MPDZ: variants seen among roughly 807,000 people sequenced by gnomAD.
MPDZ encodes the protein multiple PDZ domain crumbs cell polarity complex component.
In MPDZ, 234 loss-of-function variants were observed where a neutral mutation model predicts 239.1. The ratio of observed to expected loss-of-function variants is 0.98; its 90% CI spans 0.88 to 1.09. MPDZ has a LOEUF of 1.09. Among genes scored for constraint, MPDZ ranks in the 50% least tolerant of loss-of-function variants. The pLI, the probability that MPDZ is intolerant of heterozygous loss-of-function variation, is 0.00. For synonymous variants in MPDZ, 1,048 were observed against 881.3 expected (o/e 1.19, Z -3.35); for missense variants, 3,175 against 2,510.0 (o/e 1.26, Z -5.66).
chr9:13,160,984 A>C (rs1950418243), intron 23 of MPDZ, among the ~76,000 whole-genome samples: 1 of 150,896 alleles, frequency 6.6e-6, no homozygotes, highest in Non-Finnish European at 1.5e-5. Context: ...ACACCCTTTT[A>C]TATAAGGGAT....
intron 28 of MPDZ, 164 bp downstream of exon 28, chr9:13,139,823 G>C (rs1256986584): frequency 2.5e-6 from 2 of 791,136 alleles, no homozygotes; most frequent in African/African-American, 1.7e-5. Flanking sequence ...CCTCAGGAAT[G>C]TATGCTGTAT....
chr9:13,268,476 T>C (rs1972266656), intron 1 of MPDZ, among the ~76,000 whole-genome samples: 1 of 152,110 alleles, frequency 6.6e-6, no homozygotes, highest in Admixed American at 6.6e-5. Flanking sequence ...CACTGAAGCA[T>C]ATGACAAAAG....
chr9:13,136,319 C>CT, intron 30 of MPDZ, 137 bp from the exon 31 acceptor site: 4 of 246,228 alleles, frequency 1.6e-5, no homozygotes, highest in South Asian at 1.6e-4. Context: ...AATTTACAAA[C>CT]GTTTTCTTTT....
chr9:13,168,532 C>G lies in MPDZ; in HGVS notation c.3088G>C (p.Gly1030Arg). The change falls in exon 22 of 47, where the codon GGG becomes CGG. Residue 1030 changes from glycine to arginine, a missense_variant. Transcript: ENST00000319217. ...TGAATAATGCTTCGAACGATCATCCCCAAGCCATCTTTATTAGCACTAACT... is the reference window on the plus strand; with the variant it reads ...TGAATAATGCTTCGAACGATCATCCGCAAGCCATCTTTATTAGCACTAACT... The part of the protein sequence containing the change: ...MTVSANKDGL[G>R]MIVRSIIHGG... 6.2e-7 allele frequency: 1 copy of G among 1,611,192 alleles called. No individual in the cohort carries two copies.
chr9:13,219,327 A>T (rs530427235), intron 8 of MPDZ, among the ~76,000 whole-genome samples: 2 of 152,034 alleles, frequency 1.3e-5, no homozygotes, highest in Non-Finnish European at 2.9e-5. Context: ...CTGCTTAAAT[A>T]AAAATGTAAA....
At chr9:13,211,685 C>T (rs916437428) in intron 10 of MPDZ, among the ~76,000 whole-genome samples, 6 of 152,020 alleles carry the variant, frequency 3.9e-5, no homozygotes, top group African/African-American at 1.2e-4. Context: ...AACAACATAA[C>T]GATCCATGAT....
chr9:13,133,119 G>C (rs868837328), intron 32 of MPDZ, among the ~76,000 whole-genome samples: 1 of 151,992 alleles, frequency 6.6e-6, no homozygotes, highest in Admixed American at 6.6e-5. Flanking sequence ...AAATTATAGG[G>C]AAATGACTGC....
chr9:13,193,382 T>G, intron 13 of MPDZ, 69 bp from the exon 14 acceptor site: 1 of 1,433,694 alleles, frequency 7.0e-7, no homozygotes, highest in Non-Finnish European at 9.2e-7. Context: ...GCACACATTT[T>G]ATGTTTTATG....
At chr9:13,279,287 A>ACCCCCC (rs1564192482) in intron 1 of MPDZ, 113 bp downstream of exon 1, 2 of 38,520 alleles carry the variant, frequency 5.2e-5, no homozygotes, top group Non-Finnish European at 1.2e-4. Context: ...CCCCGCCCCC[A>ACCCCCC]CCCCCACCCC....
chr9:13,166,552 CGA>C (rs1270378419), intron 22 of MPDZ, among the ~76,000 whole-genome samples: 2 of 152,010 alleles, frequency 1.3e-5, no homozygotes, highest in African/African-American at 4.8e-5. Context: ...TTTACATACA[CGA>C]GAGAGAGACT....
At chr9:13,264,400 C>T (rs937892809) in intron 1 of MPDZ, among the ~76,000 whole-genome samples, 3 of 151,980 alleles carry the variant, frequency 2.0e-5, no homozygotes, top group Admixed American at 1.3e-4. Context: ...TTACTGCTTA[C>T]GCTCGACTAT....
At chr9:13,211,869 T>G (rs138031484) in intron 10 of MPDZ, among the ~76,000 whole-genome samples, 2 of 152,210 alleles carry the variant, frequency 1.3e-5, no homozygotes, top group African/African-American at 4.8e-5. Flanking sequence ...TAGTGGCTAT[T>G]ATGAGTGGTT....
intron 29 of MPDZ, 71 bp downstream of exon 29, chr9:13,137,886 T>C: frequency 6.7e-7 from 1 of 1,482,606 alleles, no homozygotes; most frequent in Non-Finnish European, 9.2e-7. Context: ...TATGGGTGAT[T>C]TTCTGGAAAC....
chr9:13,139,041 T>C (rs1281488558), intron 28 of MPDZ, among the ~76,000 whole-genome samples: 1 of 152,248 alleles, frequency 6.6e-6, no homozygotes, highest in Non-Finnish European at 1.5e-5. Context: ...GTTAGCAATA[T>C]GCTCTAGTGT....
chr9:13,197,816 A>C (rs1196635618), intron 12 of MPDZ, among the ~76,000 whole-genome samples: 2 of 151,914 alleles, frequency 1.3e-5, no homozygotes, highest in African/African-American at 2.4e-5. Flanking sequence ...TCAACTTTTT[A>C]AGCGCCCACT....
intron 3 of MPDZ, among the ~76,000 whole-genome samples, chr9:13,235,130 C>T (rs1054435114): frequency 2.6e-5 from 4 of 151,982 alleles, no homozygotes; most frequent in African/African-American, 4.8e-5. Context: ...ACAGGCAAAC[C>T]CTTGCACAGT....
At chr9:13,141,219 T>C (rs568026269) in intron 27 of MPDZ, among the ~76,000 whole-genome samples, 69 of 152,260 alleles carry the variant, frequency 4.5e-4, no homozygotes, top group African/African-American at 1.6e-3. Flanking sequence ...GATCAAACAA[T>C]GTTAGAGTTT....
Position 13,112,133 on chromosome 9 carries a change from G to T in MPDZ, c.5615C>A (p.Ser1872Ter). Residue 1872 changes from serine (S) to a stop codon, truncating the protein, a stop_gained, in exon 43 of 47, where the codon TCA becomes TAA. Coordinates refer to ENST00000319217, the MANE Select transcript of MPDZ (RefSeq NM_001378778.1). LOFTEE classifies it high-confidence loss of function. ...TVEMKKGPTD[S>*]LGISIAGGVG... ...TCCTCCAGCGATGCTGATTCCCAGT[G>T]AGTCAGTAGGGCCCTGCCATGGAAC... is the stretch of plus-strand genomic sequence containing the variant. The T allele has an allele frequency of 1.2e-6, 2 of 1,612,670 alleles. No individual in the cohort carries two copies. The highest frequency in any genetic ancestry group is 2.2e-5 in the South Asian group (2 of 90,898).
chr9:13,188,938 C>T lies in MPDZ; in HGVS notation c.2210G>A (p.Gly737Asp), dbSNP rs1398326293. The change falls in exon 17 of 47, where the codon GGC becomes GAC. Residue 737 changes from glycine to aspartate, a missense_variant. Physicochemically the swap from Gly to Asp is moderately conservative, Grantham distance 94. Coordinates refer to ENST00000319217, the MANE Select transcript of MPDZ (RefSeq NM_001378778.1). ...AAGTCGTCCATCCTTTTCAGCAATG[C>T]CGCCAGGCACCAAAGAACGAATTAT... Reference protein sequence around the residue: ...VIIIRSLVPGGIAEKDGRLLP... With the variant: ...VIIIRSLVPGDIAEKDGRLLP... 1.2e-6 allele frequency: 2 copies of T among 1,613,410 alleles called. No individual in the cohort carries two copies. The highest frequency in any genetic ancestry group is 1.7e-5 in the Admixed American group (1 of 59,966).
Sources: gnomAD v4.1 joint callset for allele counts (sites outside exome capture counted in the v4.1 genomes callset) on GRCh38, gnomAD v4.1.1 for gene constraint, MANE v1.5 for transcripts, NCBI Gene and HGNC (gene_info 2026-07-23, HGNC 2026-07-21) for gene names.